The following NFIA variants were observed in gnomAD, a reference collection of about 807,000 sequenced individuals.
NFIA encodes nuclear factor 1 A-type.
A neutral mutation model predicts 62.8 loss-of-function variants in NFIA; 8 were observed. That is an observed-to-expected ratio of 0.13 (90% CI 0.07 to 0.23). The LOEUF (loss-of-function observed/expected upper bound fraction) is 0.23, where lower values mean the gene tolerates loss of function less well. Ranked by LOEUF, NFIA falls within the 10% of genes least tolerant of loss-of-function variation. The pLI is 1.00. For missense variants in NFIA, 410 were observed against 642.1 expected (o/e 0.64, Z 3.91); for synonymous variants, 235 against 238.1 (o/e 0.99, Z 0.12).
chr1:61,454,673 G>A (rs758645895), intron 10 of NFIA, among the ~76,000 whole-genome samples: 22 of 152,164 alleles, frequency 1.4e-4, no homozygotes, highest in Non-Finnish European at 2.8e-4. Flanking sequence ...TGTAAGGAAG[G>A]AAAAATACTG....
At chr1:61,204,010 G>A (rs1239323803) in intron 2 of NFIA, among the ~76,000 whole-genome samples, 1 of 152,192 alleles carries the variant, frequency 6.6e-6, no homozygotes, top group Admixed American at 6.5e-5. Flanking sequence ...GACCAAAGAA[G>A]ATACTGGTTT....
At chr1:61,259,489 A>G (rs1051070000) in intron 2 of NFIA, among the ~76,000 whole-genome samples, 3 of 152,208 alleles carry the variant, frequency 2.0e-5, no homozygotes, top group Non-Finnish European at 4.4e-5. Context: ...CGTGGGAGTT[A>G]TATACACAGA....
At chr1:61,282,917 T>C (rs565448329) in intron 3 of NFIA, among the ~76,000 whole-genome samples, 1 of 152,348 alleles carries the variant, frequency 6.6e-6, no homozygotes, top group Non-Finnish European at 1.5e-5. Flanking sequence ...TTCCTCCTCA[T>C]TTATCTGGTA....
intron 2 of NFIA, among the ~76,000 whole-genome samples, chr1:61,138,782 A>T (rs1270602424): frequency 6.6e-6 from 1 of 151,552 alleles, no homozygotes; most frequent in Non-Finnish European, 1.5e-5. Context: ...TGGTTTCACC[A>T]TGTTGGCCAT....
At chr1:61,365,404 G>A (rs1462945944) in intron 6 of NFIA, among the ~76,000 whole-genome samples, 1 of 152,152 alleles carries the variant, frequency 6.6e-6, no homozygotes. Flanking sequence ...TTCTCTCTAT[G>A]TTAAAGTAGG....
chr1:61,334,786 T>C (rs1661513424), intron 4 of NFIA, among the ~76,000 whole-genome samples: 1 of 151,752 alleles, frequency 6.6e-6, no homozygotes, highest in Non-Finnish European at 1.5e-5. Flanking sequence ...TTAGTCCTCA[T>C]TACCATCAGC....
chr1:61,265,585 A>G (rs1657104862), intron 2 of NFIA, among the ~76,000 whole-genome samples: 1 of 152,182 alleles, frequency 6.6e-6, no homozygotes. Flanking sequence ...AGGTTCAAAA[A>G]CCAAGTTATT....
intron 3 of NFIA, among the ~76,000 whole-genome samples, chr1:61,284,901 A>G (rs1023192765): frequency 6.8e-6 from 1 of 146,988 alleles, no homozygotes; most frequent in Non-Finnish European, 1.5e-5. Context: ...ATCCCAGGAG[A>G]GACCCAGAAG....
rs1646136399 is a variant in NFIA at position 61,082,806 on chromosome 1, C to T, written c.15C>T (p.Leu5=). 1 of 1,549,380 alleles carries T rather than the reference C, an allele frequency of 6.5e-7. No individual in the cohort carries two copies. Among genetic ancestry groups the T allele is most frequent in the Non-Finnish European group, 8.7e-7 (1 of 1,146,030 alleles). Residue 5 remains leucine, a synonymous_variant, in exon 1 of 11, where the codon CTC becomes CTT. Transcript: ENST00000403491. MYSP[L]CLTQDEFHPF... Reference sequence around the variant, plus strand: ...GCCCGGCAGTTATGTATTCTCCGCTCTGTCTCACCCAGGTAAGCCGCGGCG... The same window carrying T: ...GCCCGGCAGTTATGTATTCTCCGCTTTGTCTCACCCAGGTAAGCCGCGGCG...
chr1:61,358,379 C>CTTTCTTTTT (rs71582639), intron 5 of NFIA, among the ~76,000 whole-genome samples: 1,140 of 52,778 alleles, frequency 0.022, 85 homozygotes, highest in African/African-American at 0.046. Context: ...TTCTTTCTTT[C>CTTTCTTTTT]TTTTTTTTTT....
At chr1:61,369,762 G>T (rs1663784421) in intron 6 of NFIA, among the ~76,000 whole-genome samples, 1 of 151,976 alleles carries the variant, frequency 6.6e-6, no homozygotes. Context: ...GCCACACATT[G>T]TTCTAAGCTA....
chr1:61,178,307 G>A (rs910333440), intron 2 of NFIA, among the ~76,000 whole-genome samples: 2 of 152,156 alleles, frequency 1.3e-5, no homozygotes, highest in African/African-American at 4.8e-5. Flanking sequence ...GAAAAAGTTT[G>A]TTACCTTGAG....
chr1:61,097,723 CT>C (rs1646441020), intron 2 of NFIA, among the ~76,000 whole-genome samples: 1 of 152,186 alleles, frequency 6.6e-6, no homozygotes, highest in Non-Finnish European at 1.5e-5. Context: ...TGCCTCTCTC[CT>C]TTTGTCCTGT....
intron 2 of NFIA, among the ~76,000 whole-genome samples, chr1:61,138,311 G>C (rs1321994904): frequency 6.6e-6 from 1 of 152,088 alleles, no homozygotes; most frequent in African/African-American, 2.4e-5. Flanking sequence ...GCCCAGGCTG[G>C]TTGCAAACCA....
At chr1:61,298,161 C>T (rs1397798144) in intron 3 of NFIA, among the ~76,000 whole-genome samples, 1 of 152,080 alleles carries the variant, frequency 6.6e-6, no homozygotes. Context: ...GTTTCCCCCA[C>T]GTTGTTCCCA....
chr1:61,370,978 AT>A (rs1663851783), intron 6 of NFIA, among the ~76,000 whole-genome samples: 1 of 152,168 alleles, frequency 6.6e-6, no homozygotes, highest in South Asian at 2.1e-4. Context: ...TGCCCCTGCC[AT>A]GTTAGCCCCA....
intron 2 of NFIA, among the ~76,000 whole-genome samples, chr1:61,139,876 A>C (rs1206525729): frequency 7.7e-6 from 1 of 129,766 alleles, no homozygotes; most frequent in Non-Finnish European, 1.6e-5. Flanking sequence ...TAGGGAATTT[A>C]CCAAAAAAAA....
intron 4 of NFIA, among the ~76,000 whole-genome samples, chr1:61,334,046 C>G (rs1661451963): frequency 6.6e-6 from 1 of 152,158 alleles, no homozygotes; most frequent in Non-Finnish European, 1.5e-5. Context: ...AATCGTTAAG[C>G]TAAGTCTCTA....
chr1:61,284,381 G>A (rs1054783278), intron 3 of NFIA, among the ~76,000 whole-genome samples: 4 of 152,194 alleles, frequency 2.6e-5, no homozygotes, highest in African/African-American at 4.8e-5. Flanking sequence ...GTTAGCAGGT[G>A]TGACCCATCA....
Sources: gnomAD v4.1 joint callset for allele counts (sites outside exome capture counted in the v4.1 genomes callset) on GRCh38, gnomAD v4.1.1 for gene constraint, MANE v1.5 for transcripts, NCBI Gene and HGNC (gene_info 2026-07-23, HGNC 2026-07-21) for gene names.